Variants in SLC49A3 observed in about 807,000 individuals in gnomAD.
SLC49A3 encodes solute carrier family 49 member A3.
A neutral mutation model predicts 43.8 loss-of-function variants in SLC49A3; 50 were observed. That is an observed-to-expected ratio of 1.14 (90% CI 0.91 to 1.45). SLC49A3 has a LOEUF of 1.45. Among genes scored for constraint, SLC49A3 ranks in the 40% most tolerant of loss-of-function variants. The probability of loss-of-function intolerance (pLI) is 0.00; values close to 1 mark genes in which losing one functional copy is unlikely to be tolerated. For missense variants in SLC49A3, 906 were observed against 774.1 expected (o/e 1.17, Z -2.02); for synonymous variants, 413 against 352.0 (o/e 1.17, Z -1.94).
Position 681,884 on chromosome 4 carries a change from CG to C in SLC49A3, c.*73del. 7.6e-7 allele frequency: 1 copy of C among 1,313,908 alleles called. No homozygotes were observed. Among genetic ancestry groups the C allele is most frequent in the East Asian group, 2.8e-5 (1 of 35,554 alleles). The allele number at this position is 1,313,908 out of a possible 1,614,324, so 81.4% of individuals were successfully genotyped here. A position where few individuals can be genotyped will look rare whatever the true frequency, so the allele number is the denominator to read the frequency against. ...AGCCCGCAAGGAGCCCTTTCGCCCC[CG>C]CCCGCAGGTGGACCAGATGTTCCAG... On this transcript the variant is annotated 3_prime_UTR_variant, in exon 10 of 10. Transcript: ENST00000322224.
At chr4:678,097 G>A (rs2109328846), downstream of SLC49A3, 1 of 1,592,620 alleles carries the variant, frequency 6.3e-7, no homozygotes, top group East Asian at 2.3e-5. Flanking sequence ...ATGTGTACAT[G>A]CGCACAGACG....
downstream of SLC49A3, chr4:681,041 GGCTCCTGCACCCCCGCATCAGCCCGC>G (rs1287201620): frequency 1.3e-6 from 2 of 1,559,824 alleles, no homozygotes; most frequent in East Asian, 4.7e-5. Flanking sequence ...CCACCGAGAA[GGCTCCTGCACCCCCGCATCAGCCCGC>G]GCTGACCCCT....
downstream of SLC49A3, chr4:677,889 T>A (rs766859920): frequency 2.7e-6 from 4 of 1,459,084 alleles, no homozygotes. Flanking sequence ...AGCTGTCCAG[T>A]CCCCTGGGGT....
In SLC49A3 at chr4:684,129, C is replaced by T. The variant is rs72613112; in HGVS notation, c.840+354G>A. ...TATGCGAGCAGAGCAAGGCCCTCCC[C>T]GCTGCACGTCTGGATACCAGAAGGT... is the stretch of plus-strand genomic sequence containing the variant. On this transcript the variant is annotated intron_variant, in intron 6 of 9. Coordinates refer to ENST00000322224, the MANE Select transcript of SLC49A3 (RefSeq NM_032219.4). 0.022 allele frequency among the ~76,000 whole-genome samples: 3,310 copies of T among 152,274 alleles called. 174 individuals carry two copies. In the East Asian group the frequency reaches 0.24, roughly 11 times the overall value.
At chr4:680,968 C>T (rs1392630212), downstream of SLC49A3, 2 of 1,128,838 alleles carry the variant, frequency 1.8e-6, no homozygotes, top group Non-Finnish European at 2.6e-6. Context: ...GGGCCACACT[C>T]CAGCGGGAAG....
intron 4 of SLC49A3, 134 bp from the exon 5 acceptor site, chr4:684,990 A>C (rs1740700584): frequency 7.7e-7 from 1 of 1,294,506 alleles, no homozygotes; most frequent in East Asian, 2.7e-5. Context: ...TCTGGTCTGC[A>C]GCTGCCCTTT....
Position 682,763 on chromosome 4 carries a change from T to TCC in SLC49A3, c.1261+16_1261+17dup, listed in dbSNP as rs1740051406. On this transcript the variant is annotated intron_variant, in intron 9 of 9. Transcript: ENST00000322224. Reference sequence around the variant, plus strand: ...CTCACCTGTCCTGTTCCCTGGGGACTCCCCATGTGAGGCTCACCTGTCCAG... The same window carrying TCC: ...CTCACCTGTCCTGTTCCCTGGGGACTCCCCCCATGTGAGGCTCACCTGTCCAG... 6.5e-7 allele frequency: 1 copy of TCC among 1,536,650 alleles called. No homozygotes were observed. The highest frequency in any genetic ancestry group is 8.8e-7 in the Non-Finnish European group (1 of 1,130,068).
upstream of SLC49A3, among the ~76,000 whole-genome samples, chr4:689,859 G>C (rs1346624256): frequency 6.6e-6 from 1 of 152,244 alleles, no homozygotes; most frequent in Non-Finnish European, 1.5e-5. Context: ...TTTCGGCTTA[G>C]TCTTTTCTGC....
In SLC49A3 at chr4:681,929, G is replaced by C. The variant is rs375856657; in HGVS notation, c.*29C>G. 29 of 1,326,304 alleles carry C rather than the reference G, an allele frequency of 2.2e-5. No homozygotes were observed. Among genetic ancestry groups the C allele is most frequent in the Non-Finnish European group, 2.8e-5 (29 of 1,027,152 alleles). 82.2% of individuals were successfully genotyped at this position (1,326,304 alleles called of 1,614,324 possible). ...GTTCCAGTTCGCCTCCATCGATGTG[G>C]CGGGCAACCTGGACTACAAGGCGCT... On this transcript the variant is annotated 3_prime_UTR_variant, in exon 10 of 10. Coordinates refer to ENST00000322224, the MANE Select transcript of SLC49A3 (RefSeq NM_032219.4).
downstream of SLC49A3, chr4:680,680 C>A: frequency 7.7e-7 from 1 of 1,297,310 alleles, no homozygotes; most frequent in Non-Finnish European, 1.1e-6. Context: ...CCAGATGCCA[C>A]GCCCACCTCC....
Position 683,722 on chromosome 4 carries a change from C to T in SLC49A3, c.880G>A (p.Gly294Arg). The stretch of plus-strand genomic sequence containing the variant: ...CCGAGAGCCAGTGCCCCCAGGATCC[C>T]AAACGTGATGAAGAGAGCGCCACAG... ...GLCGALFITF[G>R]ILGALALGPY... Residue 294 changes from glycine to arginine, a missense_variant, in exon 7 of 10, where the codon GGG (glycine) becomes AGG (arginine). Physicochemically the swap from Gly to Arg is moderately radical, Grantham distance 125 (BLOSUM62 -2). Coordinates refer to ENST00000322224, the MANE Select transcript of SLC49A3 (RefSeq NM_032219.4). 1 of 1,590,102 alleles carries T rather than the reference C, an allele frequency of 6.3e-7. No homozygotes were observed. The highest frequency in any genetic ancestry group is 1.1e-5 in the South Asian group (1 of 88,144).
chr4:679,950 T>C (rs1234287115), downstream of SLC49A3: 1 of 1,613,708 alleles, frequency 6.2e-7, no homozygotes, highest in Non-Finnish European at 8.5e-7. Flanking sequence ...CTGGACGCCA[T>C]GCTCAAAGAG....
In SLC49A3 at chr4:682,034, C is replaced by T; in HGVS notation, c.1604G>A (p.Gly535Asp). The T allele has an allele frequency of 1.4e-6, 2 of 1,429,452 alleles. No individual in the cohort carries two copies. Among genetic ancestry groups the T allele is most frequent in the Non-Finnish European group, 1.9e-6 (2 of 1,078,510 alleles). The allele number at this position is 1,429,452 out of a possible 1,614,324, so 88.5% of individuals were successfully genotyped here. Residue 535 changes from glycine (G) to aspartate (D), a missense_variant, in exon 10 of 10, where the codon GGC (glycine) becomes GAC (aspartate). Physicochemically the swap from Gly to Asp is moderately conservative, Grantham distance 94. Transcript: ENST00000322224. ...DAPSRPGRLA[G>D]RVQASRFIDP... ...AATAAACCTGGACGCTTGGACCCTGCCTGCGAGTCTGCCGGGGCGGGAGGG... is the reference window on the plus strand; with the variant it reads ...AATAAACCTGGACGCTTGGACCCTGTCTGCGAGTCTGCCGGGGCGGGAGGG...
downstream of SLC49A3, chr4:676,970 AG>A: frequency 2.1e-6 from 2 of 975,468 alleles, no homozygotes; most frequent in Non-Finnish European, 2.4e-6. Context: ...TGTGTCCCTC[AG>A]GGGGTAGGAC....
downstream of SLC49A3, chr4:680,539 C>G (rs201436287): frequency 6.2e-7 from 1 of 1,613,582 alleles, no homozygotes; most frequent in South Asian, 1.1e-5. Flanking sequence ...ATTCTTAACG[C>G]CTTCAAGATG....
chr4:682,118 G>A lies in SLC49A3; in HGVS notation c.1520C>T (p.Pro507Leu). ...SLEDPRGPGS[P>L]HPACHRATPR... is the part of the protein sequence containing the mutation. ...AGTCGCTCGGTGGCAGGCTGGGTGG[G>A]GGCTCCCGGGCCCTCTGGGGTCCTC... Residue 507 changes from proline to leucine, a missense_variant, in exon 10 of 10, where the codon CCC becomes CTC. Physicochemically the swap from Pro to Leu is moderately conservative, Grantham distance 98 (BLOSUM62 -3). Coordinates refer to ENST00000322224, the MANE Select transcript of SLC49A3 (RefSeq NM_032219.4). 1 of 1,354,984 alleles carries A rather than the reference G, an allele frequency of 7.4e-7. No individual in the cohort carries two copies. The highest frequency in any genetic ancestry group is 1.8e-5 in the South Asian group (1 of 54,696). The allele number at this position is 1,354,984 out of a possible 1,614,324, so 83.9% of individuals were successfully genotyped here.
At chr4:678,142 G>A, downstream of SLC49A3, 1 of 1,554,792 alleles carries the variant, frequency 6.4e-7, no homozygotes, top group Non-Finnish European at 8.7e-7. Context: ...TGTGAATGCA[G>A]GTGTGGGCGT....
downstream of SLC49A3, chr4:681,172 G>A (rs200832141): frequency 3.8e-5 from 60 of 1,593,140 alleles, no homozygotes; most frequent in Non-Finnish European, 4.8e-5. Flanking sequence ...CCAAGCCCAC[G>A]AGGGGAGGGC....
chr4:680,747 G>A (rs1739386482), downstream of SLC49A3: 2 of 760,270 alleles, frequency 2.6e-6, no homozygotes, highest in Non-Finnish European at 4.2e-6. Context: ...CAGCTGAGTG[G>A]GAGGCCAGCC....
Sources: gnomAD v4.1 joint callset for allele counts (sites outside exome capture counted in the v4.1 genomes callset) on GRCh38, gnomAD v4.1.1 for gene constraint, MANE v1.5 for transcripts, NCBI Gene and HGNC (gene_info 2026-07-23, HGNC 2026-07-21) for gene names.